Variants in STX17 observed in about 807,000 individuals in gnomAD.
STX17 encodes the protein syntaxin 17.
STX17 carries 29 observed loss-of-function variants against 35.9 expected under a neutral mutation model. That is an observed-to-expected ratio of 0.81 (90% CI 0.60 to 1.10). STX17 has a LOEUF of 1.10. Among genes scored for constraint, STX17 ranks in the 50% least tolerant of loss-of-function variants. The pLI is 0.00. For missense variants in STX17, 312 were observed against 352.3 expected (o/e 0.89, Z 0.92); for synonymous variants, 92 against 118.3 (o/e 0.78, Z 1.44).
rs867963670 is a variant in STX17, at chr9:99,968,431, C to A, written c.670-3C>A. On this transcript the variant is annotated splice_polypyrimidine_tract_variant and splice_region_variant and intron_variant, in intron 7 of 7. Coordinates refer to ENST00000259400, the MANE Select transcript of STX17 (RefSeq NM_017919.3). The stretch of plus-strand genomic sequence containing the variant: ...CTAAATTGAATTTTTTTTTTTTTTA[C>A]AGGCTGCAAAATACAAGCTGGCAGC... The A allele has an allele frequency of 4.0e-6, 6 of 1,497,348 alleles. No individual in the cohort carries two copies. The South Asian group carries it at 4.2e-5, about 10-fold the overall frequency. The allele number at this position is 1,497,348 out of a possible 1,614,324, so 92.8% of individuals were successfully genotyped here. A position where few individuals can be genotyped will look rare whatever the true frequency, so the allele number is the denominator to read the frequency against.
At chr9:99,911,279 C>T (rs550650619) in intron 1 of STX17, among the ~76,000 whole-genome samples, 5 of 152,032 alleles carry the variant, frequency 3.3e-5, no homozygotes, top group African/African-American at 9.7e-5. Context: ...CTGATCGGCC[C>T]GCCTCCACCT....
intron 3 of STX17, among the ~76,000 whole-genome samples, chr9:99,939,835 G>C (rs898059688): frequency 2.6e-5 from 4 of 152,224 alleles, no homozygotes; most frequent in Non-Finnish European, 5.9e-5. Flanking sequence ...CAAAATAGGA[G>C]TTACATAGTT....
chr9:99,913,050 T>G (rs981219477), intron 1 of STX17, among the ~76,000 whole-genome samples: 72 of 152,210 alleles, frequency 4.7e-4, no homozygotes, highest in African/African-American at 1.7e-3. Context: ...TATTTCTGTC[T>G]TTTAATATCT....
At chr9:99,923,997 A>G (rs186594350) in intron 2 of STX17, among the ~76,000 whole-genome samples, 1 of 152,248 alleles carries the variant, frequency 6.6e-6, no homozygotes, top group East Asian at 1.9e-4. Flanking sequence ...TGTACCTCTT[A>G]TGGAGACTTT....
At chr9:99,911,302 G>A (rs973792698) in intron 1 of STX17, among the ~76,000 whole-genome samples, 6 of 152,032 alleles carry the variant, frequency 3.9e-5, no homozygotes, top group Non-Finnish European at 8.8e-5. Context: ...CAAAGTGCTG[G>A]GATTATAGGC....
At chr9:99,936,839 A>G (rs1829246695) in intron 3 of STX17, among the ~76,000 whole-genome samples, 1 of 152,152 alleles carries the variant, frequency 6.6e-6, no homozygotes, top group South Asian at 2.1e-4. Context: ...AATCTTATAT[A>G]TGTACTGGTG....
chr9:99,919,309 GC>G (rs967265263), intron 2 of STX17, among the ~76,000 whole-genome samples: 3 of 152,090 alleles, frequency 2.0e-5, no homozygotes, highest in Non-Finnish European at 4.4e-5. Flanking sequence ...TCACCATGCT[GC>G]CCAGGCCCAT....
chr9:99,922,179 G>GT (rs1828903370), intron 2 of STX17, among the ~76,000 whole-genome samples: 1 of 152,098 alleles, frequency 6.6e-6, no homozygotes. Context: ...TAACATGTTT[G>GT]TTGTTTTTGT....
intron 4 of STX17, chr9:99,953,990 A>T (rs1829658494): frequency 6.6e-6 from 1 of 152,014 alleles, no homozygotes; most frequent in Non-Finnish European, 1.5e-5. Context: ...AACTTTCTCC[A>T]TAGGAAGCTG....
intron 2 of STX17, among the ~76,000 whole-genome samples, chr9:99,927,121 A>AG (rs1829000833): frequency 1.3e-5 from 2 of 152,224 alleles, no homozygotes; most frequent in Non-Finnish European, 2.9e-5. Flanking sequence ...CAGTGCAACT[A>AG]GCCCTTCACC....
chr9:99,916,124 A>G, intron 2 of STX17: 1 of 453,760 alleles, frequency 2.2e-6, no homozygotes, highest in East Asian at 7.0e-5. Flanking sequence ...CCTTTGAGGA[A>G]AGCTCACAAT....
intron 3 of STX17, among the ~76,000 whole-genome samples, chr9:99,942,708 A>G (rs1475607226): frequency 6.6e-6 from 1 of 152,136 alleles, no homozygotes; most frequent in East Asian, 1.9e-4. Context: ...TGATTATTGT[A>G]TATGGCGTGA....
intron 2 of STX17, among the ~76,000 whole-genome samples, chr9:99,917,780 G>A (rs532779201): frequency 1.3e-5 from 2 of 152,272 alleles, no homozygotes; most frequent in Non-Finnish European, 2.9e-5. Flanking sequence ...GTATTGTAGG[G>A]ATTTGGGGAA....
At chr9:99,914,288 G>A (rs1331522259) in intron 1 of STX17, 4 of 152,200 alleles carry the variant, frequency 2.6e-5, no homozygotes, top group African/African-American at 9.7e-5. Context: ...GTGTACAATG[G>A]TGGCTTTCAA....
chr9:99,964,359 A>G (rs1212289645), intron 6 of STX17, among the ~76,000 whole-genome samples: 2 of 152,122 alleles, frequency 1.3e-5, no homozygotes, highest in Admixed American at 6.5e-5. Context: ...ACTTAATTCA[A>G]TGTTCTTTAA....
intron 1 of STX17, among the ~76,000 whole-genome samples, chr9:99,913,541 T>C (rs1482881783): frequency 1.3e-5 from 2 of 152,174 alleles, no homozygotes; most frequent in African/African-American, 4.8e-5. Flanking sequence ...TAAAAGATTC[T>C]GTTCCTTTTT....
Position 99,928,767 on chromosome 9 carries a change from C to A in STX17, c.124-11C>A. ...GAAAAATTTAATACCTCCCTTCTTT[C>A]TTTTATATAGTATCAAAGGTGCAGA... On this transcript the variant is annotated splice_polypyrimidine_tract_variant and intron_variant, in intron 2 of 7. Transcript: ENST00000259400. The A allele has an allele frequency of 1.3e-6, 2 of 1,524,648 alleles. No individual in the cohort carries two copies. Among genetic ancestry groups the A allele is most frequent in the Non-Finnish European group, 1.8e-6 (2 of 1,103,026 alleles). The allele number at this position is 1,524,648 out of a possible 1,614,324, so 94.4% of individuals were successfully genotyped here. A position where few individuals can be genotyped will look rare whatever the true frequency, so the allele number is the denominator to read the frequency against.
In STX17 at chr9:99,950,562, C is replaced by T. The variant is rs1969576; in HGVS notation, c.190-498C>T. ...CTGAGTAAATTATTCTACACTACAC[C>T]GTGGAATATAGTGTAACCATTGAGC... On this transcript the variant is annotated intron_variant, in intron 3 of 7. Coordinates refer to ENST00000259400, the MANE Select transcript of STX17 (RefSeq NM_017919.3). 1.5e-3 allele frequency among the ~76,000 whole-genome samples: 221 copies of T among 151,886 alleles called. 1 individual carries two copies. The highest frequency in any genetic ancestry group is 2.2e-3 in the Non-Finnish European group (151 of 67,864).
chr9:99,958,116 C>A (rs1421404217), intron 4 of STX17, among the ~76,000 whole-genome samples: 1 of 152,166 alleles, frequency 6.6e-6, no homozygotes, highest in Non-Finnish European at 1.5e-5. Flanking sequence ...CAGCCTTAGA[C>A]TTTGCTTTTC....
Sources: allele counts gnomAD v4.1 joint callset (sites outside exome capture counted in the v4.1 genomes callset), GRCh38; gene constraint gnomAD v4.1.1; transcripts MANE v1.5; gene names NCBI Gene and HGNC (gene_info 2026-07-23, HGNC 2026-07-21).